SCAPER: variants seen among roughly 807,000 people sequenced by gnomAD.
The protein encoded by SCAPER is S-phase cyclin A associated protein in the ER, also known as S phase cyclin A-associated protein in the endoplasmic reticulum.
SCAPER carries 98 observed loss-of-function variants against 182.2 expected under a neutral mutation model. The ratio of observed to expected loss-of-function variants is 0.54; its 90% CI spans 0.46 to 0.64. The LOEUF is 0.64. Ranked by LOEUF, SCAPER falls within the 30% of genes least tolerant of loss-of-function variation. The pLI, the probability that SCAPER is intolerant of heterozygous loss-of-function variation, is 0.00. For missense variants in SCAPER, 1,432 were observed against 1,690.0 expected (o/e 0.85, Z 2.68); for synonymous variants, 605 against 564.6 (o/e 1.07, Z -1.01).
chr15:76,462,526 T>C (rs2049268082), intron 25 of SCAPER, among the ~76,000 whole-genome samples: 1 of 152,188 alleles, frequency 6.6e-6, no homozygotes. Context: ...TCTATGTGCA[T>C]TAAACTGTTA....
intron 30 of SCAPER, 46 bp downstream of exon 30, chr15:76,353,903 T>G: frequency 7.0e-7 from 1 of 1,428,000 alleles, no homozygotes; most frequent in Non-Finnish European, 9.2e-7. Context: ...TCTGTCGCAT[T>G]AGTTTACACA....
intron 20 of SCAPER, among the ~76,000 whole-genome samples, chr15:76,666,010 G>A (rs2056547093): frequency 6.6e-6 from 1 of 152,154 alleles, no homozygotes; most frequent in South Asian, 2.1e-4. Flanking sequence ...TTGTGCCAAT[G>A]CTAAGGCTAC....
At chr15:76,654,499 G>A (rs2055451795) in intron 21 of SCAPER, among the ~76,000 whole-genome samples, 1 of 152,106 alleles carries the variant, frequency 6.6e-6, no homozygotes, top group South Asian at 2.1e-4. Context: ...AGGCTACCGA[G>A]AAAAGAGAAT....
intron 20 of SCAPER, among the ~76,000 whole-genome samples, chr15:76,672,300 G>A (rs2057077428): frequency 6.6e-6 from 1 of 152,162 alleles, no homozygotes; most frequent in African/African-American, 2.4e-5. Context: ...CTAATTCCAT[G>A]TAAAAATTTG....
chr15:76,842,015 C>A, intron 4 of SCAPER, 84 bp from the exon 5 acceptor site: 1 of 1,149,886 alleles, frequency 8.7e-7, no homozygotes, highest in Non-Finnish European at 1.2e-6. Flanking sequence ...CAATCAACTA[C>A]AAATCAAAAC....
chr15:76,439,366 T>C (rs2047409014), intron 25 of SCAPER, among the ~76,000 whole-genome samples: 1 of 152,134 alleles, frequency 6.6e-6, no homozygotes, highest in Admixed American at 6.5e-5. Context: ...AAAAATGAGA[T>C]TTGACAAAAA....
At chr15:76,605,138 C>A (rs543551630) in intron 22 of SCAPER, among the ~76,000 whole-genome samples, 30 of 152,176 alleles carry the variant, frequency 2.0e-4, no homozygotes, top group South Asian at 1.2e-3. Flanking sequence ...TTGCTCATTC[C>A]GTATGATATT....
chr15:76,423,847 A>G (rs1178258562), intron 26 of SCAPER, among the ~76,000 whole-genome samples: 1 of 152,204 alleles, frequency 6.6e-6, no homozygotes, highest in East Asian at 1.9e-4. Context: ...TTCAAAGAAC[A>G]TCTTTATTTC....
At chr15:76,424,389 T>C (rs1490701933) in intron 26 of SCAPER, among the ~76,000 whole-genome samples, 1 of 152,244 alleles carries the variant, frequency 6.6e-6, no homozygotes, top group South Asian at 2.1e-4. Context: ...TCTTTGTCTC[T>C]TTTGATCTTT....
chr15:76,626,247 C>G (rs1216892548), intron 21 of SCAPER, among the ~76,000 whole-genome samples: 1 of 152,068 alleles, frequency 6.6e-6, no homozygotes, highest in African/African-American at 2.4e-5. Context: ...TCTAGTCAAC[C>G]ATCCGGAAGC....
At chr15:76,420,600 T>C (rs2045959683) in intron 26 of SCAPER, among the ~76,000 whole-genome samples, 1 of 152,128 alleles carries the variant, frequency 6.6e-6, no homozygotes. Context: ...ATAAAATATC[T>C]CTACGTTGTT....
chr15:76,852,660 A>G (rs887005156), intron 4 of SCAPER, among the ~76,000 whole-genome samples: 2 of 152,208 alleles, frequency 1.3e-5, no homozygotes, highest in African/African-American at 4.8e-5. Context: ...AAGATACAAC[A>G]TACCAGAATC....
intron 21 of SCAPER, among the ~76,000 whole-genome samples, chr15:76,644,056 T>C (rs892680804): frequency 9.8e-5 from 15 of 152,300 alleles, no homozygotes; most frequent in African/African-American, 3.6e-4. Context: ...TAATTAGTAT[T>C]CTTTGAGTTC....
At chr15:76,692,198 G>C (rs1220149771) in intron 20 of SCAPER, among the ~76,000 whole-genome samples, 1 of 152,134 alleles carries the variant, frequency 6.6e-6, no homozygotes, top group African/African-American at 2.4e-5. Flanking sequence ...TATACCTTAA[G>C]AGAATGTGTT....
chr15:76,843,831 TAG>T (rs1448685046), intron 4 of SCAPER, among the ~76,000 whole-genome samples: 2 of 151,562 alleles, frequency 1.3e-5, no homozygotes, highest in Non-Finnish European at 1.5e-5. Flanking sequence ...GGTTAACTAG[TAG>T]AGAGTTTTAA....
chr15:76,556,561 AG>A (rs2046213975), intron 23 of SCAPER, among the ~76,000 whole-genome samples: 2 of 152,230 alleles, frequency 1.3e-5, no homozygotes, highest in Non-Finnish European at 2.9e-5. Context: ...ACTAACCCAC[AG>A]ATGTACAAAA....
intron 23 of SCAPER, among the ~76,000 whole-genome samples, chr15:76,524,734 C>A (rs1335223585): frequency 2.7e-5 from 3 of 109,776 alleles, no homozygotes; most frequent in African/African-American, 7.0e-5. Context: ...CATGTAAAGA[C>A]TTACCAATAC....
intron 1 of SCAPER, among the ~76,000 whole-genome samples, chr15:76,888,541 G>A (rs529584430): frequency 3.4e-4 from 52 of 152,240 alleles, no homozygotes; most frequent in Admixed American, 6.5e-4. Flanking sequence ...ATAAGCCTCA[G>A]CAGCCGATTC....
At chr15:76,644,909 GA>G (rs2054415970) in intron 21 of SCAPER, among the ~76,000 whole-genome samples, 2 of 151,842 alleles carry the variant, frequency 1.3e-5, no homozygotes, top group Non-Finnish European at 2.9e-5. Context: ...TGCACAATGT[GA>G]ATTTTTAACA....
Sources: gnomAD v4.1 joint callset for allele counts (sites outside exome capture counted in the v4.1 genomes callset) on GRCh38, gnomAD v4.1.1 for gene constraint, MANE v1.5 for transcripts, NCBI Gene and HGNC (gene_info 2026-07-23, HGNC 2026-07-21) for gene names.